Variants in TEK observed in about 807,000 individuals in gnomAD.
TEK encodes angiopoietin-1 receptor.
In TEK, 43 loss-of-function variants were observed where a neutral mutation model predicts 131.8. The observed-to-expected ratio is 0.33, with a 90% CI of 0.26 to 0.42. The LOEUF (loss-of-function observed/expected upper bound fraction) is 0.42, where lower values mean the gene tolerates loss of function less well. Among genes scored for constraint, TEK ranks in the 10% least tolerant of loss-of-function variants. TEK has a pLI of 1.00. For missense variants in TEK, 1,162 were observed against 1,384.4 expected (o/e 0.84, Z 2.55); for synonymous variants, 580 against 491.6 (o/e 1.18, Z -2.38).
intron 1 of TEK, among the ~76,000 whole-genome samples, chr9:27,147,874 A>T (rs1822984044): frequency 6.6e-6 from 1 of 152,200 alleles, no homozygotes; most frequent in Admixed American, 6.5e-5. Flanking sequence ...AGATGGTGTA[A>T]TATAGTTTAA....
rs79829713 is a variant in TEK, at chr9:27,189,721, A to G, written c.1328-808A>G. 3.3e-3 allele frequency among the ~76,000 whole-genome samples: 504 copies of G among 152,268 alleles called. 3 individuals carry two copies. The highest frequency in any genetic ancestry group is 0.011 in the African/African-American group (467 of 41,548). On this transcript the variant is annotated intron_variant, in intron 9 of 22. Coordinates refer to ENST00000380036, the MANE Select transcript of TEK (RefSeq NM_000459.5). ...GCAGTCTCTAGAAGCTAGAAAGAAC[A>G]AGGAAACAGATGGTCTCCTAAGCCT...
At chr9:27,172,222 T>A (rs1587548411) in intron 4 of TEK, among the ~76,000 whole-genome samples, 1 of 152,174 alleles carries the variant, frequency 6.6e-6, no homozygotes, top group African/African-American at 2.4e-5. Context: ...AAACCACAGC[T>A]CCAGCCTGTA....
chr9:27,201,011 T>C (rs950831038), intron 12 of TEK, among the ~76,000 whole-genome samples: 1 of 152,214 alleles, frequency 6.6e-6, no homozygotes, highest in Non-Finnish European at 1.5e-5. Flanking sequence ...TCTCTTTGGA[T>C]GGGCGACCCA....
At chr9:27,175,243 T>C (rs1824120342) in intron 6 of TEK, among the ~76,000 whole-genome samples, 1 of 149,788 alleles carries the variant, frequency 6.7e-6, no homozygotes. Context: ...CGGTGTTTGG[T>C]TTTTTGTCCT....
At chr9:27,167,382 C>T (rs576365042) in intron 2 of TEK, among the ~76,000 whole-genome samples, 4 of 152,140 alleles carry the variant, frequency 2.6e-5, no homozygotes, top group African/African-American at 7.2e-5. Context: ...CATGTCCCAC[C>T]GTGCCCGGCT....
chr9:27,192,668 G>T (rs1264853134), intron 11 of TEK, 45 bp downstream of exon 11: 10 of 1,586,894 alleles, frequency 6.3e-6, no homozygotes, highest in East Asian at 2.2e-5. Flanking sequence ...TGGGTGGGAG[G>T]GGGAGGAAGG....
intron 2 of TEK, among the ~76,000 whole-genome samples, chr9:27,163,464 C>T (rs924588774): frequency 1.3e-5 from 2 of 152,092 alleles, no homozygotes; most frequent in African/African-American, 2.4e-5. Flanking sequence ...GATGAATGAG[C>T]AGGAGCTGGT....
At chr9:27,145,709 A>G (rs1822890777) in intron 1 of TEK, among the ~76,000 whole-genome samples, 1 of 152,340 alleles carries the variant, frequency 6.6e-6, no homozygotes, top group Non-Finnish European at 1.5e-5. Flanking sequence ...TACTGCTAGA[A>G]TTGTTCCAGT....
At chr9:27,226,191 G>A (rs1366069190) in intron 21 of TEK, among the ~76,000 whole-genome samples, 2 of 152,292 alleles carry the variant, frequency 1.3e-5, no homozygotes, top group East Asian at 3.9e-4. Flanking sequence ...CAGGGATCTA[G>A]AATTAGAAAT....
At chr9:27,123,289 G>A (rs1423615965) in intron 1 of TEK, among the ~76,000 whole-genome samples, 3 of 151,870 alleles carry the variant, frequency 2.0e-5, no homozygotes, top group African/African-American at 7.3e-5. Flanking sequence ...TTAATTATAG[G>A]GTGAGCTGCT....
At chr9:27,185,850 C>G (rs1182527097) in intron 9 of TEK, among the ~76,000 whole-genome samples, 7 of 152,140 alleles carry the variant, frequency 4.6e-5, no homozygotes, top group Admixed American at 4.6e-4. Context: ...CCTAACAGCT[C>G]ATAATCTTGT....
At chr9:27,177,565 A>G (rs1824216905) in intron 6 of TEK, among the ~76,000 whole-genome samples, 1 of 152,234 alleles carries the variant, frequency 6.6e-6, no homozygotes, top group Non-Finnish European at 1.5e-5. Flanking sequence ...AGCCTGACCA[A>G]CAACGAGAAA....
chr9:27,176,230 G>C (rs939696121), intron 6 of TEK, among the ~76,000 whole-genome samples: 6 of 152,142 alleles, frequency 3.9e-5, no homozygotes, highest in Admixed American at 6.6e-5. Context: ...TTATGTATCA[G>C]GGCTGGTTTC....
intron 11 of TEK, among the ~76,000 whole-genome samples, chr9:27,194,206 T>C (rs963600892): frequency 6.6e-6 from 1 of 152,214 alleles, no homozygotes; most frequent in Non-Finnish European, 1.5e-5. Context: ...TGTGTTTTAC[T>C]CCATTTACTA....
At chr9:27,132,879 T>G (rs1042623727) in intron 1 of TEK, among the ~76,000 whole-genome samples, 14 of 152,018 alleles carry the variant, frequency 9.2e-5, no homozygotes, top group Admixed American at 3.3e-4. Context: ...GACAGAGAAA[T>G]AGAGAGATGA....
At chr9:27,137,054 T>C (rs1822481961) in intron 1 of TEK, among the ~76,000 whole-genome samples, 1 of 152,166 alleles carries the variant, frequency 6.6e-6, no homozygotes, top group Admixed American at 6.5e-5. Flanking sequence ...TAGCTGGGAC[T>C]ATAGGCGCCT....
rs1231940911 is a variant in TEK, at chr9:27,230,104, C to G, written c.*872C>G. On this transcript the variant is annotated 3_prime_UTR_variant, in exon 23 of 23. Transcript: ENST00000380036. Reference sequence around the variant, plus strand: ...TAGTTTTGATGAGTTGTGAGTTTACCTTGTATACTGTAGGCACACTTTGCA... The same window carrying G: ...TAGTTTTGATGAGTTGTGAGTTTACGTTGTATACTGTAGGCACACTTTGCA... 1.3e-5 allele frequency: 2 copies of G among 152,098 alleles called. No homozygotes were observed. The highest frequency in any genetic ancestry group is 1.9e-4 in the East Asian group (1 of 5,190). The allele number at this position is 152,098 out of a possible 1,614,324, so 9.4% of individuals were successfully genotyped here.
intron 1 of TEK, among the ~76,000 whole-genome samples, chr9:27,149,005 A>T (rs1400052420): frequency 6.6e-5 from 10 of 152,164 alleles, no homozygotes; most frequent in African/African-American, 2.4e-4. Context: ...GGCAGAAACC[A>T]TATTTTATTT....
intron 4 of TEK, among the ~76,000 whole-genome samples, chr9:27,172,088 C>G (rs930196219): frequency 1.3e-4 from 20 of 152,208 alleles, no homozygotes; most frequent in African/African-American, 4.1e-4. Flanking sequence ...CCAATGTGCA[C>G]AGATTACTAC....
Sources: gnomAD v4.1 joint callset for allele counts (sites outside exome capture counted in the v4.1 genomes callset) on GRCh38, gnomAD v4.1.1 for gene constraint, MANE v1.5 for transcripts, NCBI Gene and HGNC (gene_info 2026-07-23, HGNC 2026-07-21) for gene names.